The following GALNT13 variants were observed in gnomAD, a reference collection of about 807,000 sequenced individuals.
GALNT13 encodes the protein UDP-GalNAc:polypeptide N-acetylgalactosaminyltransferase 13.
Under a neutral mutation model 64.2 loss-of-function variants are expected in GALNT13, and 28 were observed. That is an observed-to-expected ratio of 0.44 (90% CI 0.32 to 0.60). The LOEUF (loss-of-function observed/expected upper bound fraction) is 0.60, where lower values mean the gene tolerates loss of function less well. GALNT13 is among the 20% of genes least tolerant of loss of function. The probability of loss-of-function intolerance (pLI) is 0.05; values close to 1 mark genes in which losing one functional copy is unlikely to be tolerated. For missense variants in GALNT13, 577 were observed against 669.8 expected (o/e 0.86, Z 1.53); for synonymous variants, 214 against 224.6 (o/e 0.95, Z 0.42).
chr2:154,131,674 T>G (rs753140153), intron 3 of GALNT13, among the ~76,000 whole-genome samples: 1 of 152,198 alleles, frequency 6.6e-6, no homozygotes, highest in African/African-American at 2.4e-5. Context: ...GTGGGTGTAT[T>G]AGTCAGGGTT....
At chr2:154,186,935 A>T (rs72869229) in intron 4 of GALNT13, among the ~76,000 whole-genome samples, 21,689 of 152,076 alleles carry the variant, frequency 0.14, 1,567 homozygotes, top group Middle Eastern at 0.18. Context: ...TTCTGATCAT[A>T]TGCCATTAAG....
Position 154,446,926 on chromosome 2 carries a change from G to A in GALNT13, c.1531-3485G>A, listed in dbSNP as rs1701610682. 4.6e-5 allele frequency among the ~76,000 whole-genome samples: 7 copies of A among 151,812 alleles called. No individual in the cohort carries two copies. The South Asian group carries it at 1.4e-3, about 31-fold the overall frequency. ...TTACTTCCTAGCTACTCATTAATTT[G>A]GGGACTGCATATATTAAGTTGTGTT... On this transcript the variant is annotated intron_variant, in intron 12 of 12. Transcript: ENST00000392825.
the GALNT13 span, among the ~76,000 whole-genome samples, chr2:153,094,059 C>T: frequency 5.9e-5 from 9 of 151,800 alleles, no homozygotes; most frequent in Admixed American, 1.3e-4. Context: ...TTATTTGGAT[C>T]ATCTCTCTCT....
chr2:154,007,558 G>A (rs1450665947), intron 3 of GALNT13, among the ~76,000 whole-genome samples: 1 of 151,962 alleles, frequency 6.6e-6, no homozygotes, highest in African/African-American at 2.4e-5. Flanking sequence ...TGAGGAATAT[G>A]TTGTTTATTC....
At chr2:153,084,771 T>C in the GALNT13 span, among the ~76,000 whole-genome samples, 3 of 152,186 alleles carry the variant, frequency 2.0e-5, no homozygotes, top group African/African-American at 7.2e-5. Flanking sequence ...CTCTTTTCTT[T>C]ATAAATTACC....
chr2:153,524,003 T>A, the GALNT13 span, among the ~76,000 whole-genome samples: 8 of 152,294 alleles, frequency 5.3e-5, no homozygotes, highest in African/African-American at 1.7e-4. Flanking sequence ...GAATTTTTTT[T>A]AATCACAAAT....
chr2:153,511,292 A>G, the GALNT13 span, among the ~76,000 whole-genome samples: 25 of 151,498 alleles, frequency 1.7e-4, no homozygotes, highest in African/African-American at 5.1e-4. Context: ...CAAAAAAAAA[A>G]GGGGCGGGGG....
chr2:153,318,508 G>A, the GALNT13 span, among the ~76,000 whole-genome samples: 8 of 152,168 alleles, frequency 5.3e-5, no homozygotes, highest in Non-Finnish European at 1.2e-4. Context: ...GCTCTGACAG[G>A]CATTTTCCAA....
At chr2:154,060,537 A>G (rs186886614) in intron 3 of GALNT13, among the ~76,000 whole-genome samples, 42 of 151,954 alleles carry the variant, frequency 2.8e-4, no homozygotes, top group Non-Finnish European at 1.8e-4. Context: ...TGTGTTTTTA[A>G]TAGAGACAGA....
intron 3 of GALNT13, among the ~76,000 whole-genome samples, chr2:153,965,862 C>T (rs985297752): frequency 5.3e-5 from 8 of 150,388 alleles, no homozygotes; most frequent in African/African-American, 1.7e-4. Flanking sequence ...AACTTTAAGA[C>T]TTCTGTTGTC....
the GALNT13 span, chr2:153,478,711 C>A: frequency 1.5e-6 from 1 of 686,306 alleles, no homozygotes; most frequent in Non-Finnish European, 2.4e-6. Context: ...GTCCCTGGGC[C>A]GTGGGAGTTT....
At chr2:154,188,241 G>C (rs999671104) in intron 4 of GALNT13, among the ~76,000 whole-genome samples, 2 of 152,124 alleles carry the variant, frequency 1.3e-5, no homozygotes, top group African/African-American at 4.8e-5. Context: ...ATAATGATAA[G>C]AGGTCGGAGT....
rs745352550 is a variant in GALNT13 at position 154,409,029 on chromosome 2, A to C, written c.1342A>C (p.Lys448Gln). ...TCAGTGTTTAGACAACATGGGCCGC[A>C]AGGAAAATGAAAAAGTGGGTATATT... is the stretch of plus-strand genomic sequence containing the variant. The part of the protein sequence containing the change: ...TNQCLDNMGR[K>Q]ENEKVGIFNC... Residue 448 changes from lysine to glutamine, a missense_variant, in exon 11 of 13, where the codon AAG becomes CAG. Lys to Gln is a moderately conservative substitution (Grantham distance 53). Around this residue, in one of 3 missense-constraint regions of GALNT13, gnomAD observed 232 missense variants for 270.6 expected, o/e 0.86. Transcript: ENST00000392825. The C allele has an allele frequency of 1.2e-6, 2 of 1,611,688 alleles. No homozygotes were observed. The highest frequency in any genetic ancestry group is 1.7e-6 in the Non-Finnish European group (2 of 1,178,310).
chr2:154,117,705 C>T (rs1180802326), intron 3 of GALNT13, among the ~76,000 whole-genome samples: 1 of 152,098 alleles, frequency 6.6e-6, no homozygotes, highest in Non-Finnish European at 1.5e-5. Flanking sequence ...CCAACTGATC[C>T]TGGACAAAGC....
chr2:153,206,436 T>C, the GALNT13 span, among the ~76,000 whole-genome samples: 1 of 152,112 alleles, frequency 6.6e-6, no homozygotes, highest in Non-Finnish European at 1.5e-5. Flanking sequence ...TTTGTGGATA[T>C]ATTATAATTG....
chr2:153,495,534 T>A, the GALNT13 span, among the ~76,000 whole-genome samples: 9 of 152,106 alleles, frequency 5.9e-5, no homozygotes, highest in Non-Finnish European at 1.2e-4. Context: ...TTTTGTTTCA[T>A]GAATTCAAAA....
chr2:153,405,869 C>T, the GALNT13 span, among the ~76,000 whole-genome samples: 1,888 of 152,112 alleles, frequency 0.012, 20 homozygotes, highest in Middle Eastern at 0.037. Flanking sequence ...TAAAACTTAC[C>T]CCAGGAGCTA....
At position 154,451,716 on chromosome 2, in the gene GALNT13, T is replaced by C. The variant is rs1701877329; in HGVS notation, c.*1165T>C. 6.6e-6 allele frequency: 1 copy of C among 152,066 alleles called. No individual in the cohort carries two copies. Among genetic ancestry groups the C allele is most frequent in the African/African-American group, 2.4e-5 (1 of 41,418 alleles). The allele number at this position is 152,066 out of a possible 1,614,324, so 9.4% of individuals were successfully genotyped here. On this transcript the variant is annotated 3_prime_UTR_variant, in exon 13 of 13. Coordinates refer to ENST00000392825, the MANE Select transcript of GALNT13 (RefSeq NM_052917.4). ...ATTTTCTTTTCTCATCTTAAAACCC[T>C]TTATGTTCAAAATACATTAGCAGAG...
At chr2:153,396,161 T>C in the GALNT13 span, among the ~76,000 whole-genome samples, 13 of 152,200 alleles carry the variant, frequency 8.5e-5, no homozygotes, top group Non-Finnish European at 1.6e-4. Context: ...GCAATGACAG[T>C]GGGACTGGAC....
Sources: gnomAD v4.1 joint callset for allele counts (sites outside exome capture counted in the v4.1 genomes callset) on GRCh38, gnomAD v4.1.1 for gene constraint, gnomAD v4.1.1 regional missense constraint, MANE v1.5 for transcripts, NCBI Gene and HGNC (gene_info 2026-07-23, HGNC 2026-07-21) for gene names.